The following CCDC77 variants were observed in gnomAD, a reference collection of about 807,000 sequenced individuals.
The protein encoded by CCDC77 is coiled-coil domain-containing protein 77.
A neutral mutation model predicts 66.8 loss-of-function variants in CCDC77; 56 were observed. The ratio of observed to expected loss-of-function variants is 0.84; its 90% CI spans 0.68 to 1.05. The LOEUF is 1.05. Among genes scored for constraint, CCDC77 ranks in the 50% least tolerant of loss-of-function variants. CCDC77 has a pLI of 0.00. For missense variants in CCDC77, 570 were observed against 576.8 expected, an observed-to-expected ratio of 0.99 and a Z score of 0.12; for synonymous variants, 196 against 195.2, an observed-to-expected ratio of 1.00 and a Z score of -0.03.
At chr12:416,730 C>T (rs1174505808) in intron 4 of CCDC77, among the ~76,000 whole-genome samples, 1 of 151,788 alleles carries the variant, frequency 6.6e-6, no homozygotes, top group African/African-American at 2.4e-5. Context: ...TTTACAAAAC[C>T]AAAACTCCAT....
intron 1 of CCDC77, among the ~76,000 whole-genome samples, chr12:393,844 G>C (rs1245457073): frequency 1.3e-5 from 2 of 152,130 alleles, no homozygotes; most frequent in African/African-American, 4.8e-5. Context: ...TCTTGTCCTT[G>C]AATGGACTTT....
At chr12:406,234 A>G (rs1007611044) in intron 2 of CCDC77, among the ~76,000 whole-genome samples, 1 of 152,182 alleles carries the variant, frequency 6.6e-6, no homozygotes, top group Non-Finnish European at 1.5e-5. Flanking sequence ...TAATGGAGAA[A>G]AGTAAAACAG....
chr12:418,568 G>A lies in CCDC77; in HGVS notation c.345G>A (p.Gln115=), dbSNP rs780969579. 1.1e-5 allele frequency: 17 copies of A among 1,613,818 alleles called. No homozygotes were observed. Among genetic ancestry groups the A allele is most frequent in the Non-Finnish European group, 1.4e-5 (17 of 1,179,840 alleles). Reference sequence around the variant, plus strand: ...TGCAGAAAGCTCTAAGTGATATGCAGGTCTGCCTCTTCCAGGAACGGGAAC... The same window carrying A: ...TGCAGAAAGCTCTAAGTGATATGCAAGTCTGCCTCTTCCAGGAACGGGAAC... ...AELQKALSDM[Q]VCLFQEREHV... is the part of the protein sequence containing the mutation. Residue 115 remains glutamine (Q), a synonymous_variant, in exon 5 of 13, where the codon CAG becomes CAA. Coordinates refer to ENST00000239830, the MANE Select transcript of CCDC77 (RefSeq NM_032358.4).
intron 4 of CCDC77, among the ~76,000 whole-genome samples, chr12:416,377 G>GTGTATATATATATA (rs1170807639): frequency 4.9e-5 from 1 of 20,594 alleles, no homozygotes; most frequent in Non-Finnish European, 9.7e-5. Context: ...GTGTGTGTGT[G>GTGTATATATATATA]TATATATATA....
intron 8 of CCDC77, 69 bp downstream of exon 8, chr12:432,023 C>T: frequency 1.1e-6 from 1 of 871,542 alleles, no homozygotes; most frequent in Non-Finnish European, 1.9e-6. Context: ...CACATACCCT[C>T]AGTGTCATGT....
chr12:404,301 GA>G (rs1944952721), intron 1 of CCDC77, among the ~76,000 whole-genome samples: 1 of 152,380 alleles, frequency 6.6e-6, no homozygotes, highest in African/African-American at 2.4e-5. Context: ...GGGCTGAACA[GA>G]GTGAGACTCT....
At chr12:413,490 C>T (rs1195755145) in intron 4 of CCDC77, among the ~76,000 whole-genome samples, 5 of 152,078 alleles carry the variant, frequency 3.3e-5, no homozygotes, top group Non-Finnish European at 4.4e-5. Flanking sequence ...CCACCCGCCT[C>T]GGCCTCCTAA....
intron 1 of CCDC77, chr12:389,636 C>T (rs1305347263): frequency 9.0e-6 from 2 of 221,620 alleles, no homozygotes; most frequent in East Asian, 7.6e-5. Flanking sequence ...ATGTGTAATG[C>T]CCCAGAGGGC....
At chr12:397,381 G>A (rs557750812), upstream of CCDC77, among the ~76,000 whole-genome samples, 8 of 152,246 alleles carry the variant, frequency 5.3e-5, no homozygotes, top group South Asian at 1.0e-3. Context: ...ATACCGAGCC[G>A]AGATGTTTGG....
At chr12:434,929 A>G (rs4980819) in intron 9 of CCDC77, among the ~76,000 whole-genome samples, 48,113 of 152,096 alleles carry the variant, frequency 0.32, 9,574 homozygotes, top group Non-Finnish European at 0.45. Flanking sequence ...TGTTTCTCCC[A>G]ACAAATGCTC....
At chr12:437,540 T>C (rs1945780026) in intron 9 of CCDC77, among the ~76,000 whole-genome samples, 1 of 151,990 alleles carries the variant, frequency 6.6e-6, no homozygotes, top group South Asian at 2.1e-4. Context: ...ATACAGGAAG[T>C]TGATTTTTAA....
chr12:431,225 T>TC (rs1945645601), intron 7 of CCDC77, among the ~76,000 whole-genome samples: 1 of 149,876 alleles, frequency 6.7e-6, no homozygotes, highest in African/African-American at 2.5e-5. Context: ...TTTTTTTTTT[T>TC]TTTTTCTTTT....
chr12:412,041 AC>A (rs1412706955), intron 4 of CCDC77, 63 bp downstream of exon 4: 1 of 1,197,992 alleles, frequency 8.3e-7, no homozygotes, highest in Non-Finnish European at 1.2e-6. Flanking sequence ...GAGATGCCCT[AC>A]AAGTGCCAGT....
chr12:427,159 T>C (rs1413655605), intron 5 of CCDC77, among the ~76,000 whole-genome samples: 5 of 151,820 alleles, frequency 3.3e-5, no homozygotes, highest in Admixed American at 6.6e-5. Flanking sequence ...GCAGGAGAAT[T>C]GCTTGAACCC....
chr12:402,350 G>GT (rs1944912398), intron 1 of CCDC77, among the ~76,000 whole-genome samples: 1 of 152,206 alleles, frequency 6.6e-6, no homozygotes, highest in Admixed American at 6.5e-5. Context: ...TTCAAAGGCA[G>GT]TTCTTTTGCA....
At chr12:411,650 A>G in intron 3 of CCDC77, 97 bp from the exon 4 acceptor site, 1 of 986,138 alleles carries the variant, frequency 1.0e-6, no homozygotes, top group Non-Finnish European at 1.5e-6. Context: ...CTTAATTATA[A>G]GCACTTTGGG....
At chr12:436,083 T>G (rs892885296) in intron 9 of CCDC77, among the ~76,000 whole-genome samples, 1 of 151,718 alleles carries the variant, frequency 6.6e-6, no homozygotes, top group Admixed American at 6.6e-5. Flanking sequence ...TCTATTCCTT[T>G]GTTTAAATTG....
Position 433,456 on chromosome 12 carries a change from C to T in CCDC77, c.821+134C>T, listed in dbSNP as rs190176438. 96 of 1,449,588 alleles carry T rather than the reference C, an allele frequency of 6.6e-5. No homozygotes were observed. The Admixed American group carries it at 1.3e-3, about 20-fold the overall frequency. The allele number at this position is 1,449,588 out of a possible 1,614,324, so 89.8% of individuals were successfully genotyped here. On this transcript the variant is annotated intron_variant, in intron 9 of 12. Transcript: ENST00000239830. ...TTGAAAAGACTGTCTTCCTCAGAAA[C>T]CCCCGCCTCTACGTAGGTGAGTACC...
upstream of CCDC77, among the ~76,000 whole-genome samples, chr12:401,294 A>G (rs1944890169): frequency 6.6e-6 from 1 of 152,178 alleles, no homozygotes; most frequent in Non-Finnish European, 1.5e-5. Context: ...ATTACAACAT[A>G]TATGTACCAT....
Sources: gnomAD v4.1 joint callset for allele counts (sites outside exome capture counted in the v4.1 genomes callset) on GRCh38, gnomAD v4.1.1 for gene constraint, MANE v1.5 for transcripts, NCBI Gene and HGNC (gene_info 2026-07-23, HGNC 2026-07-21) for gene names.